The following CALU variants were observed in gnomAD, a reference collection of about 807,000 sequenced individuals.
CALU encodes IEF SSP 9302.
A neutral mutation model predicts 37.5 loss-of-function variants in CALU; 13 were observed. The observed-to-expected ratio is 0.35, with a 90% CI of 0.23 to 0.55. The LOEUF is 0.55. CALU is among the 20% of genes least tolerant of loss of function. CALU has a pLI of 0.89. For missense variants in CALU, 282 were observed against 391.7 expected (o/e 0.72, Z 2.36); for synonymous variants, 114 against 133.8 (o/e 0.85, Z 1.02).
rs1390529743 is a variant in CALU at position 128,770,597 on chromosome 7, C to T, written c.*1430C>T. 4.0e-5 allele frequency: 6 copies of T among 150,068 alleles called. No individual in the cohort carries two copies. Among genetic ancestry groups the T allele is most frequent in the African/African-American group, 4.9e-5 (2 of 40,524 alleles). 9.3% of individuals were successfully genotyped at this position (150,068 alleles called of 1,614,324 possible). A position where few individuals can be genotyped will look rare whatever the true frequency, so the allele number is the denominator to read the frequency against. On this transcript the variant is annotated 3_prime_UTR_variant, in exon 7 of 7. Transcript: ENST00000249364. Reference sequence around the variant, plus strand: ...CTGCCAAAAAAAAAAAAAAAGGAAACGTTTATCATGAATCAACAGGGTTTC... The same window carrying T: ...CTGCCAAAAAAAAAAAAAAAGGAAATGTTTATCATGAATCAACAGGGTTTC...
chr7:128,772,685 T>TA lies in CALU; in HGVS notation c.*3520dup. Reference sequence around the variant, plus strand: ...CTGGAGAGAAAGGTACAATTGGAGATAACCTTGGCAGATGAGGAAGTATGG... The same window carrying TA: ...CTGGAGAGAAAGGTACAATTGGAGATAAACCTTGGCAGATGAGGAAGTATGG... On this transcript the variant is annotated 3_prime_UTR_variant, in exon 7 of 7. Coordinates refer to ENST00000249364, the MANE Select transcript of CALU (RefSeq NM_001219.5). 2 of 1,613,958 alleles carry TA rather than the reference T, an allele frequency of 1.2e-6. No individual in the cohort carries two copies. Among genetic ancestry groups the TA allele is most frequent in the South Asian group, 2.2e-5 (2 of 91,074 alleles).
In CALU at chr7:128,771,092, A is replaced by G. The variant is rs1801544417; in HGVS notation, c.*1925A>G. 6.6e-6 allele frequency: 1 copy of G among 152,552 alleles called. No homozygotes were observed. Among genetic ancestry groups the G allele is most frequent in the South Asian group, 2.1e-4 (1 of 4,836 alleles). 9.4% of individuals were successfully genotyped at this position (152,552 alleles called of 1,614,324 possible). A position where few individuals can be genotyped will look rare whatever the true frequency, so the allele number is the denominator to read the frequency against. ...TTTTACTATTAAGAAGACCAGTGAT[A>G]ATTTAATAATGCCACCAACTCTGGC... On this transcript the variant is annotated 3_prime_UTR_variant, in exon 7 of 7. Transcript: ENST00000249364.
chr7:128,748,907 T>C (rs1800552485), intron 2 of CALU, 103 bp downstream of exon 2: 1 of 697,932 alleles, frequency 1.4e-6, no homozygotes, highest in Non-Finnish European at 2.4e-6. Context: ...TATATTGAAC[T>C]ATTAATACAT....
chr7:128,767,821 T>C (rs1801394702), intron 6 of CALU, among the ~76,000 whole-genome samples, 166 bp downstream of exon 6: 1 of 152,260 alleles, frequency 6.6e-6, no homozygotes, highest in Non-Finnish European at 1.5e-5. Context: ...CAGCACTAGC[T>C]ATCTGATCTC....
intron 6 of CALU, among the ~76,000 whole-genome samples, chr7:128,768,843 G>T (rs548014558): frequency 3.1e-5 from 1 of 32,412 alleles, no homozygotes; most frequent in Non-Finnish European, 6.1e-5. Context: ...GCGAAACTCC[G>T]TCTCAAAAAA....
chr7:128,759,927 G>A (rs1456475113), intron 5 of CALU, 75 bp downstream of exon 5: 3 of 836,878 alleles, frequency 3.6e-6, no homozygotes, highest in Non-Finnish European at 6.1e-6. Flanking sequence ...GCTGGGCACA[G>A]TGGCTCATGC....
Position 128,754,251 on chromosome 7 carries a change from A to T in CALU, c.222-11A>T, listed in dbSNP as rs752084720. ...TTAACCTTTTGCTGGATTTCTCTGC[A>T]TTTTCTACAGAAAGATTGTAAGTAA... On this transcript the variant is annotated splice_polypyrimidine_tract_variant and intron_variant, in intron 2 of 6. Coordinates refer to ENST00000249364, the MANE Select transcript of CALU (RefSeq NM_001219.5). 1.3e-6 allele frequency: 2 copies of T among 1,599,786 alleles called. No individual in the cohort carries two copies. Among genetic ancestry groups the T allele is most frequent in the South Asian group, 1.1e-5 (1 of 89,174 alleles).
chr7:128,748,423 T>C (rs761977082), intron 1 of CALU, 150 bp from the exon 2 acceptor site: 87 of 1,306,700 alleles, frequency 6.7e-5, no homozygotes, highest in Non-Finnish European at 8.5e-5. Context: ...ATACTTATTT[T>C]ATGGATGAAG....
intron 1 of CALU, among the ~76,000 whole-genome samples, chr7:128,745,566 C>T (rs944835644): frequency 1.3e-5 from 2 of 152,120 alleles, no homozygotes; most frequent in Non-Finnish European, 2.9e-5. Context: ...CATCACACCA[C>T]TATATCTAGC....
At position 128,770,355 on chromosome 7, in the gene CALU, T is replaced by C. The variant is rs147276629; in HGVS notation, c.*1188T>C. The C allele has an allele frequency of 3.3e-5, 5 of 152,694 alleles. No individual in the cohort carries two copies. Among genetic ancestry groups the C allele is most frequent in the Non-Finnish European group, 5.9e-5 (4 of 68,008 alleles). 9.5% of individuals were successfully genotyped at this position (152,694 alleles called of 1,614,324 possible). On this transcript the variant is annotated 3_prime_UTR_variant, in exon 7 of 7. Coordinates refer to ENST00000249364, the MANE Select transcript of CALU (RefSeq NM_001219.5). ...CAGTGTTCTTATCTTGTGGGCTGAT[T>C]TCCAAAAACCACATGCTGCTGAATT...
chr7:128,768,533 T>C (rs1266980755), intron 6 of CALU, among the ~76,000 whole-genome samples: 1 of 152,152 alleles, frequency 6.6e-6, no homozygotes, highest in Non-Finnish European at 1.5e-5. Context: ...CTTTTAACTT[T>C]CTTGATAAAA....
At chr7:128,750,049 AC>A (rs756453346) in intron 2 of CALU, among the ~76,000 whole-genome samples, 1 of 151,870 alleles carries the variant, frequency 6.6e-6, no homozygotes, top group Non-Finnish European at 1.5e-5. Context: ...ACACTGTGAA[AC>A]CCCATCTCTA....
intron 5 of CALU, among the ~76,000 whole-genome samples, chr7:128,762,285 T>C (rs1329612454): frequency 6.6e-6 from 1 of 152,184 alleles, no homozygotes; most frequent in Admixed American, 6.5e-5. Context: ...TAAGGAGATA[T>C]TTCTGTCTCC....
chr7:128,763,690 A>G (rs1303208854), intron 5 of CALU, among the ~76,000 whole-genome samples: 2 of 152,194 alleles, frequency 1.3e-5, no homozygotes, highest in Non-Finnish European at 2.9e-5. Flanking sequence ...GAACTTTCCA[A>G]TCTGTATCCT....
chr7:128,748,992 A>G (rs568194242), intron 2 of CALU, among the ~76,000 whole-genome samples, 188 bp downstream of exon 2: 3 of 152,366 alleles, frequency 2.0e-5, no homozygotes, highest in East Asian at 3.9e-4. Context: ...TTTTAATTGA[A>G]TAACAGTTGG....
chr7:128,747,147 C>T (rs73236094), intron 1 of CALU, among the ~76,000 whole-genome samples: 6,979 of 151,988 alleles, frequency 0.046, 225 homozygotes, highest in East Asian at 0.13. Context: ...ATTTGTTTTC[C>T]GATTTTTTAA....
intron 1 of CALU, chr7:128,748,291 A>G: frequency 1.8e-6 from 2 of 1,116,518 alleles, no homozygotes; most frequent in Non-Finnish European, 1.3e-6. Flanking sequence ...CTACTTTGGT[A>G]TCTTTTGAAA....
At chr7:128,759,127 T>TTA (rs888119421) in intron 4 of CALU, 90 bp downstream of exon 4, 284 of 873,020 alleles carry the variant, frequency 3.3e-4, no homozygotes, top group Non-Finnish European at 3.7e-4. Context: ...ATAGCATATC[T>TTA]TATATATATA....
At chr7:128,741,325 CA>C (rs2128876675) in intron 1 of CALU, among the ~76,000 whole-genome samples, 1 of 152,230 alleles carries the variant, frequency 6.6e-6, no homozygotes, top group East Asian at 1.9e-4. Context: ...AAGTACCGCC[CA>C]ATTAATTCAG....
Sources: allele counts gnomAD v4.1 joint callset (sites outside exome capture counted in the v4.1 genomes callset), GRCh38; gene constraint gnomAD v4.1.1; transcripts MANE v1.5; gene names NCBI Gene and HGNC (gene_info 2026-07-23, HGNC 2026-07-21).